ATG4C: variants seen among roughly 807,000 people sequenced by gnomAD.
ATG4C encodes the protein autophagy related 4C cysteine peptidase, also known as cysteine protease ATG4C.
ATG4C carries 56 observed loss-of-function variants against 57.6 expected under a neutral mutation model. The ratio of observed to expected loss-of-function variants is 0.97; its 90% CI spans 0.78 to 1.21. The LOEUF is 1.21. Among genes scored for constraint, ATG4C ranks in the 50% most tolerant of loss-of-function variants. The probability of loss-of-function intolerance (pLI) is 0.00; values close to 1 mark genes in which losing one functional copy is unlikely to be tolerated. For synonymous variants in ATG4C, 157 were observed against 174.1 expected (o/e 0.90, Z 0.78); for missense variants, 595 against 529.8 (o/e 1.12, Z -1.21).
chr1:62,793,969 G>A (rs145560756), intron 1 of ATG4C, among the ~76,000 whole-genome samples: 2,218 of 152,266 alleles, frequency 0.015, 51 homozygotes, highest in African/African-American at 0.051. Context: ...CCAAGTATTC[G>A]TAGTTACCTT....
intron 4 of ATG4C, among the ~76,000 whole-genome samples, 158 bp downstream of exon 4, chr1:62,816,966 A>G (rs184761738): frequency 1.3e-5 from 2 of 151,958 alleles, no homozygotes; most frequent in South Asian, 2.1e-4. Flanking sequence ...GGTGTATTGC[A>G]TTTTTTTTGA....
chr1:62,824,261 T>A (rs1257596379), intron 6 of ATG4C, among the ~76,000 whole-genome samples: 1 of 152,208 alleles, frequency 6.6e-6, no homozygotes, highest in African/African-American at 2.4e-5. Flanking sequence ...TCAATAAATG[T>A]GTGTCGAATG....
chr1:62,810,581 G>A (rs1397980648), intron 3 of ATG4C, among the ~76,000 whole-genome samples: 5 of 152,052 alleles, frequency 3.3e-5, no homozygotes, highest in African/African-American at 1.2e-4. Context: ...TTTGAGATTT[G>A]CTTCTGTATC....
intron 6 of ATG4C, among the ~76,000 whole-genome samples, chr1:62,824,356 G>A (rs796407055): frequency 5.3e-5 from 8 of 152,234 alleles, no homozygotes; most frequent in African/African-American, 1.9e-4. Flanking sequence ...AATTGACTAT[G>A]GGAGATAGGG....
Position 62,864,897 on chromosome 1 carries a change from G to A in ATG4C, c.*738G>A, listed in dbSNP as rs1666959728. ...AGTGTTTGTTTCCTATCTCAAGGGC[G>A]AAATTTTATGGGAACTCAATTTATT... On this transcript the variant is annotated 3_prime_UTR_variant, in exon 11 of 11. Transcript: ENST00000317868. The A allele has an allele frequency of 6.6e-6, 1 of 151,864 alleles. No homozygotes were observed. The highest frequency in any genetic ancestry group is 2.4e-5 in the African/African-American group (1 of 41,424). The allele number at this position is 151,864 out of a possible 1,614,324, so 9.4% of individuals were successfully genotyped here. A position where few individuals can be genotyped will look rare whatever the true frequency, so the allele number is the denominator to read the frequency against.
chr1:62,849,299 A>G (rs952088116), intron 10 of ATG4C, among the ~76,000 whole-genome samples: 1 of 152,116 alleles, frequency 6.6e-6, no homozygotes, highest in Admixed American at 6.5e-5. Context: ...GAAGACGAAG[A>G]GCTTGCCTTT....
Position 62,864,081 on chromosome 1 carries a change from C to G in ATG4C, c.1299C>G (p.Thr433=), listed in dbSNP as rs1300306880. ...SRDYDFTSTT[T]NEEDLFSEDE... ...ACTATGATTTTACATCTACTACAAC[C>G]AATGAAGAAGACCTTTTTTCAGAGG... Residue 433 remains threonine (T), a synonymous_variant, in exon 11 of 11, where the codon ACC becomes ACG. Transcript: ENST00000317868. 6.2e-7 allele frequency: 1 copy of G among 1,605,872 alleles called. No individual in the cohort carries two copies. Among genetic ancestry groups the G allele is most frequent in the South Asian group, 1.1e-5 (1 of 89,668 alleles).
intron 3 of ATG4C, among the ~76,000 whole-genome samples, chr1:62,816,104 TC>T (rs1665262359): frequency 6.6e-6 from 1 of 152,218 alleles, no homozygotes; most frequent in Admixed American, 6.5e-5. Context: ...CTTTTGTGTA[TC>T]TGAAAACGTC....
intron 10 of ATG4C, 121 bp from the exon 11 acceptor site, chr1:62,863,871 G>A (rs1666924914): frequency 1.5e-6 from 1 of 659,884 alleles, no homozygotes; most frequent in African/African-American, 1.9e-5. Flanking sequence ...AGTAGCACTG[G>A]GTGAATGTAA....
intron 3 of ATG4C, among the ~76,000 whole-genome samples, chr1:62,809,215 A>G (rs1664983656): frequency 6.6e-6 from 1 of 152,110 alleles, no homozygotes; most frequent in African/African-American, 2.4e-5. Context: ...CTAGGATTAC[A>G]AGCTTGAGCC....
intron 6 of ATG4C, among the ~76,000 whole-genome samples, chr1:62,824,892 G>C (rs6664673): frequency 0.63 from 96,349 of 151,746 alleles, 30,854 homozygotes; most frequent in African/African-American, 0.73. Flanking sequence ...TGGTCTTGAA[G>C]TCCTGGCTTC....
At chr1:62,833,641 A>G (rs1572147627) in intron 7 of ATG4C, among the ~76,000 whole-genome samples, 1 of 152,152 alleles carries the variant, frequency 6.6e-6, no homozygotes, top group Non-Finnish European at 1.5e-5. Flanking sequence ...AAGGACTAAG[A>G]ACTATCTTTA....
intron 9 of ATG4C, chr1:62,835,367 C>T: frequency 3.0e-6 from 1 of 337,224 alleles, no homozygotes; most frequent in Non-Finnish European, 6.0e-6. Flanking sequence ...TTCTTAACCT[C>T]TTCTTTTCCT....
At chr1:62,825,461 C>G (rs1665620641) in intron 6 of ATG4C, among the ~76,000 whole-genome samples, 1 of 152,100 alleles carries the variant, frequency 6.6e-6, no homozygotes, top group Admixed American at 6.5e-5. Flanking sequence ...CTTATTCACT[C>G]CTTCACAGCC....
chr1:62,805,080 T>C, intron 2 of ATG4C, 92 bp from the exon 3 acceptor site: 1 of 1,418,578 alleles, frequency 7.0e-7, no homozygotes, highest in Non-Finnish European at 9.2e-7. Context: ...AATTGATGGT[T>C]TGAAATTAAA....
chr1:62,815,208 T>C (rs1172445834), intron 3 of ATG4C, among the ~76,000 whole-genome samples: 2 of 152,164 alleles, frequency 1.3e-5, no homozygotes, highest in Non-Finnish European at 2.9e-5. Flanking sequence ...TTTTCCTCCC[T>C]TTCTACCTGC....
chr1:62,841,550 A>G lies in ATG4C; in HGVS notation c.1209+3A>G, dbSNP rs911664689. ...GAGCTTCTGAAGAAATCACCAAGGTATCTTTATTTAAAATATTATATTTGT... is the reference window on the plus strand; with the variant it reads ...GAGCTTCTGAAGAAATCACCAAGGTGTCTTTATTTAAAATATTATATTTGT... On this transcript the variant is annotated splice_donor_region_variant and intron_variant, in intron 10 of 10. Coordinates refer to ENST00000317868, the MANE Select transcript of ATG4C (RefSeq NM_032852.4). 5 of 1,567,028 alleles carry G rather than the reference A, an allele frequency of 3.2e-6. No individual in the cohort carries two copies. In the Admixed American group the frequency reaches 5.5e-5, roughly 17 times the overall value.
chr1:62,851,353 C>T (rs1666515581), intron 10 of ATG4C, among the ~76,000 whole-genome samples: 1 of 151,944 alleles, frequency 6.6e-6, no homozygotes, highest in African/African-American at 2.4e-5. Context: ...ATCAGGAGTC[C>T]CTTGCCATTT....
At chr1:62,846,540 C>T (rs759129925) in intron 10 of ATG4C, among the ~76,000 whole-genome samples, 2 of 152,194 alleles carry the variant, frequency 1.3e-5, no homozygotes, top group Non-Finnish European at 2.9e-5. Context: ...GTCCCTTATA[C>T]ATCTGGCGTA....
Sources: gnomAD v4.1 joint callset for allele counts (sites outside exome capture counted in the v4.1 genomes callset) on GRCh38, gnomAD v4.1.1 for gene constraint, MANE v1.5 for transcripts, NCBI Gene and HGNC (gene_info 2026-07-23, HGNC 2026-07-21) for gene names.